Variants in CFAP20DC observed in about 807,000 individuals in gnomAD.
The protein encoded by CFAP20DC is protein CFAP20DC.
CFAP20DC carries 84 observed loss-of-function variants against 101.7 expected under a neutral mutation model. The observed-to-expected ratio is 0.83, with a 90% CI of 0.69 to 0.99. The LOEUF is 0.99. Ranked by LOEUF, CFAP20DC falls within the 50% of genes least tolerant of loss-of-function variation. The probability of loss-of-function intolerance (pLI) is 0.00; values close to 1 mark genes in which losing one functional copy is unlikely to be tolerated. For missense variants in CFAP20DC, 1,007 were observed against 970.3 expected (o/e 1.04, Z -0.50); for synonymous variants, 359 against 351.2 (o/e 1.02, Z -0.25).
intron 4 of CFAP20DC, among the ~76,000 whole-genome samples, chr3:58,950,362 A>T (rs1017273287): frequency 1.2e-4 from 18 of 152,252 alleles, no homozygotes; most frequent in Admixed American, 8.5e-4. Context: ...TTCAATGCCA[A>T]CCCCATCAAG....
intron 5 of CFAP20DC, among the ~76,000 whole-genome samples, chr3:58,935,981 C>A (rs1057031414): frequency 3.9e-5 from 6 of 152,036 alleles, no homozygotes; most frequent in Non-Finnish European, 7.4e-5. Flanking sequence ...TCAGAGTGAA[C>A]AGGCAACCTA....
At position 58,799,454 on chromosome 3, in the gene CFAP20DC, T is replaced by C. The variant is rs1672404060; in HGVS notation, c.2237+6941A>G. Among the ~76,000 whole-genome samples, 2 of 152,190 alleles carry C rather than the reference T, an allele frequency of 1.3e-5. 1 individual carries two copies. Among genetic ancestry groups the C allele is most frequent in the South Asian group, 4.1e-4 (2 of 4,828 alleles). On this transcript the variant is annotated intron_variant, in intron 15 of 16. Coordinates refer to ENST00000482387, the MANE Select transcript of CFAP20DC (RefSeq NM_001394063.1). This position sits in a 1 kb window ranked among gnomAD's most constrained non-coding sequence, Gnocchi z 4.9. ...TAGAGACTCTTAAGGTAGAGAAGTATACAGGTGCTCATGGGCTCCAGCTAG... is the reference window on the plus strand; with the variant it reads ...TAGAGACTCTTAAGGTAGAGAAGTACACAGGTGCTCATGGGCTCCAGCTAG...
intron 4 of CFAP20DC, among the ~76,000 whole-genome samples, chr3:59,038,275 T>A (rs1212148501): frequency 6.6e-6 from 1 of 152,012 alleles, no homozygotes; most frequent in East Asian, 1.9e-4. Flanking sequence ...TAACTTAAAG[T>A]ATAATAATAA....
rs73837990 is a variant in CFAP20DC, at chr3:58,866,438, T to C, written c.1258+128A>G. ...ATAAAATTGAGGTTAAATAAGAAGA[T>C]TTACACAAACTTACACATTTTAGCA... On this transcript the variant is annotated intron_variant, in intron 11 of 16. Coordinates refer to ENST00000482387, the MANE Select transcript of CFAP20DC (RefSeq NM_001394063.1). The C allele has an allele frequency of 1.4e-3, 956 of 704,726 alleles. 9 individuals carry two copies. In the African/African-American group the frequency reaches 0.016, roughly 12 times the overall value. 43.7% of individuals were successfully genotyped at this position (704,726 alleles called of 1,614,324 possible).
At chr3:59,018,865 A>T (rs1270468656) in intron 4 of CFAP20DC, 1 of 152,078 alleles carries the variant, frequency 6.6e-6, no homozygotes, top group Non-Finnish European at 1.5e-5. Flanking sequence ...TATACACTGA[A>T]GTGTTTAATA....
At chr3:58,920,393 C>T (rs1361064650) in intron 5 of CFAP20DC, among the ~76,000 whole-genome samples, 6 of 152,082 alleles carry the variant, frequency 3.9e-5, no homozygotes, top group South Asian at 2.1e-4. Flanking sequence ...CATGCCCAGC[C>T]ATAGTGGATA....
intron 4 of CFAP20DC, chr3:58,992,501 A>T: frequency 1.8e-5 from 16 of 889,478 alleles, no homozygotes; most frequent in African/African-American, 1.8e-5. Flanking sequence ...AAAGAAAAAA[A>T]CCTCACCTCG....
intron 14 of CFAP20DC, among the ~76,000 whole-genome samples, chr3:58,818,493 A>C (rs888051548): frequency 6.6e-6 from 1 of 151,626 alleles, no homozygotes; most frequent in African/African-American, 2.4e-5. Context: ...TTGCAATCCT[A>C]GTCTCTGATA....
At chr3:58,961,203 T>C (rs961933531) in intron 4 of CFAP20DC, among the ~76,000 whole-genome samples, 1 of 152,218 alleles carries the variant, frequency 6.6e-6, no homozygotes, top group African/African-American at 2.4e-5. Flanking sequence ...TCTGCAGTTT[T>C]CTTGTGATGT....
chr3:58,831,615 G>T, intron 14 of CFAP20DC, 71 bp downstream of exon 14: 3 of 1,356,184 alleles, frequency 2.2e-6, no homozygotes, highest in Non-Finnish European at 3.1e-6. Context: ...TCCAGGCAAA[G>T]CTGGGATTTG....
chr3:58,738,248 G>A (rs1485916266), downstream of CFAP20DC, among the ~76,000 whole-genome samples: 10 of 151,988 alleles, frequency 6.6e-5, no homozygotes, highest in East Asian at 1.7e-3. This position sits in a 1 kb window ranked among gnomAD's most constrained non-coding sequence, Gnocchi z 4.4. Flanking sequence ...GTAGGTAAAC[G>A]TGTGCCATGG....
intron 16 of CFAP20DC, among the ~76,000 whole-genome samples, chr3:58,746,098 C>G (rs1434031209): frequency 6.6e-6 from 1 of 151,974 alleles, no homozygotes; most frequent in Non-Finnish European, 1.5e-5. Context: ...TTTACAACCC[C>G]AAAACATAGT....
chr3:58,943,031 C>T (rs771121256), intron 4 of CFAP20DC, among the ~76,000 whole-genome samples: 2 of 152,236 alleles, frequency 1.3e-5, no homozygotes, highest in African/African-American at 4.8e-5. Context: ...CTAGATTCCT[C>T]CTCTCTGGGC....
chr3:58,781,826 T>G (rs2071857389), intron 15 of CFAP20DC, among the ~76,000 whole-genome samples: 1 of 152,032 alleles, frequency 6.6e-6, no homozygotes, highest in South Asian at 2.1e-4. Context: ...CAGTACCAGA[T>G]GGCTTCACTG....
chr3:58,792,062 AAACATGCAAAC>A (rs1399466133), intron 15 of CFAP20DC, among the ~76,000 whole-genome samples: 1 of 152,184 alleles, frequency 6.6e-6, no homozygotes, highest in Non-Finnish European at 1.5e-5. Flanking sequence ...GGATGTCAGA[AAACATGCAAAC>A]AACTTTTGCT....
At chr3:58,981,356 C>T (rs1315966969) in intron 4 of CFAP20DC, among the ~76,000 whole-genome samples, 4 of 152,004 alleles carry the variant, frequency 2.6e-5, no homozygotes, top group Admixed American at 2.0e-4. Context: ...GAAAAAACTA[C>T]TTTAAAGTTC....
intron 13 of CFAP20DC, among the ~76,000 whole-genome samples, chr3:58,832,953 G>C (rs548541342): frequency 6.6e-6 from 1 of 152,232 alleles, no homozygotes; most frequent in South Asian, 2.1e-4. Flanking sequence ...TGTACATCTG[G>C]AAACACTGGT....
At position 58,721,387 on chromosome 3, in the gene CFAP20DC, T is replaced by C. The variant is rs559042250; in HGVS notation, c.198-3759A>G. On this transcript the variant is annotated intron_variant, in intron 3 of 3. Transcript: ENST00000486145. The surrounding 1 kb of genome is among the most constrained non-coding windows in gnomAD (Gnocchi z 5.2). ...AGTCAGAATGAAGAGATAGACATTTTTTAAAAATTACAACCATGATAGGGT... is the reference window on the plus strand; with the variant it reads ...AGTCAGAATGAAGAGATAGACATTTCTTAAAAATTACAACCATGATAGGGT... 8.2e-4 allele frequency among the ~76,000 whole-genome samples: 124 copies of C among 151,772 alleles called. No individual in the cohort carries two copies. The highest frequency in any genetic ancestry group is 3.4e-3 in the Middle Eastern group (1 of 294).
At chr3:58,819,938 T>C (rs2075501133) in intron 14 of CFAP20DC, among the ~76,000 whole-genome samples, 1 of 138,716 alleles carries the variant, frequency 7.2e-6, no homozygotes, top group Non-Finnish European at 1.5e-5. Context: ...AAAAAGCTTA[T>C]CCACCATGAT....
Sources: allele counts gnomAD v4.1 joint callset (sites outside exome capture counted in the v4.1 genomes callset), GRCh38; gene constraint gnomAD v4.1.1; non-coding constraint Gnocchi (gnomAD v3.1); transcripts MANE v1.5; gene names NCBI Gene and HGNC (gene_info 2026-07-23, HGNC 2026-07-21).